ERC2: variants seen among roughly 807,000 people sequenced by gnomAD.
The protein encoded by ERC2 is ELKS/RAB6-interacting/CAST family member 2, also known as ERC protein 2.
In ERC2, 42 loss-of-function variants were observed where a neutral mutation model predicts 114.8. That is an observed-to-expected ratio of 0.37 (90% CI 0.29 to 0.47). The LOEUF is 0.47. ERC2 is among the 20% of genes least tolerant of loss of function. The pLI, the probability that ERC2 is intolerant of heterozygous loss-of-function variation, is 0.99. For missense variants in ERC2, 939 were observed against 1,150.7 expected (o/e 0.82, Z 2.66); for synonymous variants, 454 against 425.5 (o/e 1.07, Z -0.82).
chr3:55,746,481 A>C lies in ERC2; in HGVS notation c.2565-11563T>G, dbSNP rs980118254. On this transcript the variant is annotated intron_variant, in intron 14 of 17. Transcript: ENST00000288221. ...ACTCCCGACCTCAGGTGATCCGCCC[A>C]CCTCAGGTGATCGGCCTCCCAAAGT... Among the ~76,000 whole-genome samples the C allele has an allele frequency of 2.6e-5, 4 of 152,218 alleles. No homozygotes were observed. The South Asian group carries it at 8.3e-4, about 32-fold the overall frequency.
chr3:56,419,853 C>G (rs1445848563), intron 2 of ERC2, among the ~76,000 whole-genome samples: 2 of 152,152 alleles, frequency 1.3e-5, no homozygotes, highest in Non-Finnish European at 2.9e-5. Context: ...CATCAGCTCT[C>G]AAAGTGTACA....
chr3:56,253,382 AACTT>A (rs1282944050), intron 3 of ERC2, among the ~76,000 whole-genome samples: 3 of 152,226 alleles, frequency 2.0e-5, no homozygotes, highest in Non-Finnish European at 2.9e-5. Flanking sequence ...TGTTTAAGAA[AACTT>A]ACTTTTCTTT....
chr3:55,768,033 G>T (rs1423527642), intron 14 of ERC2, among the ~76,000 whole-genome samples: 1 of 152,060 alleles, frequency 6.6e-6, no homozygotes, highest in East Asian at 1.9e-4. Context: ...AAAGTGTGTA[G>T]CACCTCCTTC....
chr3:55,950,647 G>C lies in ERC2; in HGVS notation c.2268-87C>G, dbSNP rs536478145. On this transcript the variant is annotated intron_variant, in intron 12 of 17. Coordinates refer to ENST00000288221, the MANE Select transcript of ERC2 (RefSeq NM_015576.3). ...ATAGATTCAGGAAGTACTAAGTATA[G>C]GCTATCTGGATAAGGGCTTGGGAAA... 8 of 1,427,124 alleles carry C rather than the reference G, an allele frequency of 5.6e-6. No homozygotes were observed. In the South Asian group the frequency reaches 6.0e-5, roughly 11 times the overall value. The allele number at this position is 1,427,124 out of a possible 1,614,324, so 88.4% of individuals were successfully genotyped here.
chr3:56,135,109 C>T (rs972291948), intron 6 of ERC2, among the ~76,000 whole-genome samples: 2 of 151,892 alleles, frequency 1.3e-5, no homozygotes, highest in Admixed American at 6.6e-5. Context: ...CGTACCACCA[C>T]GTCCAGCTAA....
chr3:55,712,815 T>A (rs1373970925), intron 15 of ERC2, among the ~76,000 whole-genome samples: 1 of 152,170 alleles, frequency 6.6e-6, no homozygotes, highest in Non-Finnish European at 1.5e-5. Flanking sequence ...GCCCATTATC[T>A]ATTTGTTGTT....
At chr3:55,798,582 A>G (rs1345869163) in intron 14 of ERC2, among the ~76,000 whole-genome samples, 2 of 151,296 alleles carry the variant, frequency 1.3e-5, no homozygotes, top group Non-Finnish European at 2.9e-5. Context: ...TGGGTGACAG[A>G]GCAAGACTTC....
chr3:56,354,617 T>G (rs1043133215), intron 2 of ERC2, among the ~76,000 whole-genome samples: 1 of 152,172 alleles, frequency 6.6e-6, no homozygotes. Flanking sequence ...TCATACATAT[T>G]TGTCCTAACT....
At chr3:56,226,630 T>A (rs1307874943) in intron 3 of ERC2, among the ~76,000 whole-genome samples, 1 of 152,078 alleles carries the variant, frequency 6.6e-6, no homozygotes, top group Admixed American at 6.5e-5. Context: ...AGAGGTATGA[T>A]GAGATAGTAC....
intron 2 of ERC2, among the ~76,000 whole-genome samples, chr3:56,298,863 A>G (rs2055638614): frequency 6.6e-6 from 1 of 152,184 alleles, no homozygotes; most frequent in Non-Finnish European, 1.5e-5. Context: ...CATAAATTAT[A>G]TATCAACAAA....
chr3:56,067,165 T>C (rs1379694059), intron 7 of ERC2, among the ~76,000 whole-genome samples: 1 of 152,244 alleles, frequency 6.6e-6, no homozygotes, highest in Non-Finnish European at 1.5e-5. Context: ...ATTTTCACAA[T>C]ATTAATTCTT....
chr3:56,350,812 T>G (rs2058524770), intron 2 of ERC2, among the ~76,000 whole-genome samples: 1 of 152,246 alleles, frequency 6.6e-6, no homozygotes, highest in South Asian at 2.1e-4. Flanking sequence ...ATGATTCTCA[T>G]GCTGTTGGAG....
At chr3:56,148,692 G>C (rs866362948) in intron 5 of ERC2, among the ~76,000 whole-genome samples, 1 of 152,180 alleles carries the variant, frequency 6.6e-6, no homozygotes, top group Non-Finnish European at 1.5e-5. Context: ...ATTTGGAAGA[G>C]AGTGGACTAT....
At chr3:56,211,833 C>CA (rs2049080935) in intron 3 of ERC2, among the ~76,000 whole-genome samples, 1 of 152,046 alleles carries the variant, frequency 6.6e-6, no homozygotes, top group South Asian at 2.1e-4. Flanking sequence ...ACAAACCAAA[C>CA]AAAAACACAA....
At chr3:55,789,971 A>T (rs193093790) in intron 14 of ERC2, among the ~76,000 whole-genome samples, 2 of 152,140 alleles carry the variant, frequency 1.3e-5, no homozygotes, top group African/African-American at 4.8e-5. Context: ...ACAGGCCTGG[A>T]TTACTGCAGC....
chr3:55,587,760 C>T (rs979223106), intron 17 of ERC2, among the ~76,000 whole-genome samples: 4 of 152,184 alleles, frequency 2.6e-5, no homozygotes. Flanking sequence ...TACTATTCAG[C>T]GGTTTTTGTG....
chr3:55,541,065 C>T (rs1052621452), intron 17 of ERC2, among the ~76,000 whole-genome samples: 2 of 152,132 alleles, frequency 1.3e-5, no homozygotes, highest in Non-Finnish European at 2.9e-5. Flanking sequence ...AAGTCAGATC[C>T]AAACTTTGGG....
intron 7 of ERC2, among the ~76,000 whole-genome samples, chr3:56,065,910 G>A (rs973307079): frequency 5.3e-5 from 8 of 152,014 alleles, no homozygotes; most frequent in Non-Finnish European, 1.0e-4. Context: ...AGTATTCCAT[G>A]GTGTATATAT....
chr3:56,185,913 G>C (rs1449089092), intron 3 of ERC2, among the ~76,000 whole-genome samples: 1 of 151,918 alleles, frequency 6.6e-6, no homozygotes, highest in Non-Finnish European at 1.5e-5. Context: ...TTCTCAGTGT[G>C]AGAAGGATTT....
Sources: gnomAD v4.1 joint callset for allele counts (sites outside exome capture counted in the v4.1 genomes callset) on GRCh38, gnomAD v4.1.1 for gene constraint, MANE v1.5 for transcripts, NCBI Gene and HGNC (gene_info 2026-07-23, HGNC 2026-07-21) for gene names.